The following PTK2B variants were observed in gnomAD, a reference collection of about 807,000 sequenced individuals.
PTK2B encodes protein tyrosine kinase 2 beta.
Under a neutral mutation model 142.9 loss-of-function variants are expected in PTK2B, and 71 were observed. The observed-to-expected ratio is 0.50, with a 90% CI of 0.41 to 0.61. The LOEUF is 0.61. Among genes scored for constraint, PTK2B ranks in the 20% least tolerant of loss-of-function variants. The probability of loss-of-function intolerance (pLI) is 0.00; values close to 1 mark genes in which losing one functional copy is unlikely to be tolerated. For missense variants in PTK2B, 1,105 were observed against 1,320.4 expected, an observed-to-expected ratio of 0.84 and a Z score of 2.53; for synonymous variants, 519 against 503.4, an observed-to-expected ratio of 1.03 and a Z score of -0.42.
chr8:27,310,928 A>G (rs752610844), upstream of PTK2B: 2 of 1,612,560 alleles, frequency 1.2e-6, no homozygotes, highest in East Asian at 2.2e-5. Flanking sequence ...TCCGCGGTGC[A>G]GGCGGCAGAC....
intron 3 of PTK2B, among the ~76,000 whole-genome samples, chr8:27,316,068 A>G (rs1278000103): frequency 2.6e-5 from 4 of 152,172 alleles, no homozygotes; most frequent in Admixed American, 2.0e-4. Context: ...AGAGGTCCTT[A>G]TTGATGTTCA....
upstream of PTK2B, chr8:27,311,290 G>A (rs112997548): frequency 8.6e-3 from 12,331 of 1,436,092 alleles, 790 homozygotes; most frequent in African/African-American, 0.15. Flanking sequence ...CCTCCCACCC[G>A]CCCGGCTGCC....
chr8:27,390,992 G>A (rs1184135623), intron 1 of PTK2B, among the ~76,000 whole-genome samples: 1 of 152,150 alleles, frequency 6.6e-6, no homozygotes, highest in South Asian at 2.1e-4. Flanking sequence ...GTTTGAATGA[G>A]TTAAATGTAC....
At chr8:27,405,861 T>C (rs1808681156) in intron 2 of PTK2B, among the ~76,000 whole-genome samples, 2 of 152,276 alleles carry the variant, frequency 1.3e-5, no homozygotes, top group Non-Finnish European at 2.9e-5. Flanking sequence ...TGTATTATTT[T>C]GTTCTTCAAT....
intron 6 of PTK2B, 22 bp downstream of exon 6, chr8:27,430,177 C>T (rs765191151): frequency 3.1e-6 from 5 of 1,604,054 alleles, no homozygotes; most frequent in Admixed American, 1.7e-5. Flanking sequence ...GATCACCCAT[C>T]TCCCCTCCCT....
chr8:27,316,623 A>G (rs1342591380), intron 3 of PTK2B, among the ~76,000 whole-genome samples: 2 of 152,240 alleles, frequency 1.3e-5, no homozygotes, highest in Non-Finnish European at 2.9e-5. Flanking sequence ...CACTGCAGAC[A>G]TAATCGACCT....
intron 1 of PTK2B, among the ~76,000 whole-genome samples, chr8:27,330,030 C>T (rs1803647506): frequency 6.6e-6 from 1 of 152,116 alleles, no homozygotes; most frequent in African/African-American, 2.4e-5. Flanking sequence ...CCATGCCAGG[C>T]TCACCCCGTC....
chr8:27,325,870 C>T (rs1803378719), intron 1 of PTK2B, among the ~76,000 whole-genome samples, 189 bp downstream of exon 1: 1 of 152,172 alleles, frequency 6.6e-6, no homozygotes, highest in Admixed American at 6.5e-5. Flanking sequence ...GCCAGCCTTC[C>T]GCGGGGAAGA....
chr8:27,341,691 T>C (rs1804410602), intron 1 of PTK2B, among the ~76,000 whole-genome samples: 1 of 152,066 alleles, frequency 6.6e-6, no homozygotes, highest in Non-Finnish European at 1.5e-5. Flanking sequence ...GTTTTTTGTT[T>C]CTGACAGGGT....
intron 21 of PTK2B, 75 bp downstream of exon 21, chr8:27,440,516 G>T: frequency 2.0e-6 from 3 of 1,512,306 alleles, no homozygotes. Context: ...ACACAGAGAG[G>T]TTTGCACCAC....
intron 1 of PTK2B, among the ~76,000 whole-genome samples, chr8:27,383,865 T>TTTTTTTTTTTTTTTTTTA (rs1563238858): frequency 6.0e-5 from 9 of 149,842 alleles, no homozygotes; most frequent in Admixed American, 1.3e-4. Flanking sequence ...TTTTTTTTTT[T>TTTTTTTTTTTTTTTTTTA]GAGACAGAGT....
intron 5 of PTK2B, 27 bp downstream of exon 5, chr8:27,422,410 G>A: frequency 6.3e-7 from 1 of 1,588,802 alleles, no homozygotes; most frequent in Non-Finnish European, 8.6e-7. Context: ...CCTCTGCTGG[G>A]AGGGCGCTGT....
chr8:27,329,485 T>C (rs953034545), intron 1 of PTK2B, among the ~76,000 whole-genome samples: 11 of 152,070 alleles, frequency 7.2e-5, no homozygotes, highest in Non-Finnish European at 1.3e-4. Flanking sequence ...CTACCCTGCA[T>C]GGTAGGTCAC....
Position 27,451,073 on chromosome 8 carries a change from C to T in PTK2B, c.2518C>T (p.Pro840Ser), listed in dbSNP as rs971135773. The change falls in exon 26 of 31, where the codon CCA (proline) becomes TCA (serine). Residue 840 changes from proline (P) to serine (S), a missense_variant. By Grantham distance (74) the Pro-to-Ser change is moderately conservative (BLOSUM62 -1). Coordinates refer to ENST00000346049, the MANE Select transcript of PTK2B (RefSeq NM_173176.3). ...CATGGTTTATATGAATGATAAGTCC[C>T]CATTGGTGAGTTGCCAGGAGAGGCC... ...DPMVYMNDKSPLTPEKEVGYL... is the reference protein window; with the variant it reads ...DPMVYMNDKSSLTPEKEVGYL... The T allele has an allele frequency of 6.2e-7, 1 of 1,612,552 alleles. No individual in the cohort carries two copies. Among genetic ancestry groups the T allele is most frequent in the African/African-American group, 1.3e-5 (1 of 75,016 alleles).
chr8:27,341,068 A>C (rs762453693), intron 1 of PTK2B, among the ~76,000 whole-genome samples: 1 of 152,164 alleles, frequency 6.6e-6, no homozygotes, highest in Non-Finnish European at 1.5e-5. Flanking sequence ...GGGCTCAGCT[A>C]TTCCATCGGG....
chr8:27,310,948 G>A (rs745573440), upstream of PTK2B: 4 of 1,612,690 alleles, frequency 2.5e-6, no homozygotes, highest in Middle Eastern at 1.7e-4. Flanking sequence ...CACGCGAGAA[G>A]CGGTAGCTGG....
rs974965567 is a variant in PTK2B, at chr8:27,459,180, G to A, written c.*671G>A. The A allele has an allele frequency of 5.5e-5, 13 of 236,166 alleles. No individual in the cohort carries two copies. The highest frequency in any genetic ancestry group is 1.0e-4 in the Non-Finnish European group (12 of 119,904). The allele number at this position is 236,166 out of a possible 1,614,324, so 14.6% of individuals were successfully genotyped here. ...GAAGCAGAGAGATGCGGCCAAGATA[G>A]GACCTTGGGCCAAATCCGCTCTCTT... On this transcript the variant is annotated 3_prime_UTR_variant, in exon 31 of 31. Coordinates refer to ENST00000346049, the MANE Select transcript of PTK2B (RefSeq NM_173176.3).
intron 24 of PTK2B, 42 bp downstream of exon 24, chr8:27,445,961 G>T: frequency 6.2e-7 from 1 of 1,609,188 alleles, no homozygotes; most frequent in Non-Finnish European, 8.5e-7. Flanking sequence ...GGACTGAGGA[G>T]GCTGCTGGAG....
In PTK2B at chr8:27,430,901, A is replaced by G; in HGVS notation, c.695A>G (p.Gln232Arg). The G allele has an allele frequency of 6.2e-7, 1 of 1,614,154 alleles. No individual in the cohort carries two copies. The highest frequency in any genetic ancestry group is 8.5e-7 in the Non-Finnish European group (1 of 1,180,016). The change falls in exon 8 of 31, where the codon CAG becomes CGG. Residue 232 changes from glutamine (Q) to arginine (R), a missense_variant. Physicochemically the swap from Gln to Arg is conservative, Grantham distance 43. Transcript: ENST00000346049. Reference protein sequence around the residue: ...LKPKQFRKMIQQTFQQYASLR... With the variant: ...LKPKQFRKMIRQTFQQYASLR... ...CCCAAACAGTTCCGGAAGATGATCC[A>G]GCAGACCTTCCAGCAGTACGCCTCG...
Sources: gnomAD v4.1 joint callset for allele counts (sites outside exome capture counted in the v4.1 genomes callset) on GRCh38, gnomAD v4.1.1 for gene constraint, MANE v1.5 for transcripts, NCBI Gene and HGNC (gene_info 2026-07-23, HGNC 2026-07-21) for gene names.